The following TRPC3 variants were observed in gnomAD, a reference collection of about 807,000 sequenced individuals.
TRPC3 encodes the protein short transient receptor potential channel 3.
A neutral mutation model predicts 90.9 loss-of-function variants in TRPC3; 54 were observed. The ratio of observed to expected loss-of-function variants is 0.59; its 90% confidence interval spans 0.48 to 0.75. TRPC3 has a LOEUF of 0.75. Ranked by LOEUF, TRPC3 falls within the 30% of genes least tolerant of loss-of-function variation. The pLI is 0.00. For missense variants in TRPC3, 918 were observed against 1,194.5 expected (o/e 0.77, Z 3.41); for synonymous variants, 424 against 450.9 (o/e 0.94, Z 0.75).
At chr4:121,902,762 A>G (rs1338707806) in intron 9 of TRPC3, 90 bp downstream of exon 9, 2 of 972,302 alleles carry the variant, frequency 2.1e-6, no homozygotes, top group Non-Finnish European at 3.1e-6. Flanking sequence ...TTCTAAGTTC[A>G]CACATAAAAA....
chr4:121,893,824 G>A (rs1385570890), intron 10 of TRPC3, among the ~76,000 whole-genome samples: 4 of 151,996 alleles, frequency 2.6e-5, no homozygotes, highest in Admixed American at 6.6e-5. Context: ...AATATATATG[G>A]AGACATAAGG....
intron 3 of TRPC3, among the ~76,000 whole-genome samples, chr4:121,921,487 A>C (rs978741492): frequency 3.0e-5 from 4 of 132,500 alleles, no homozygotes; most frequent in South Asian, 2.5e-4. Flanking sequence ...GCGCCACTGC[A>C]CTCCAGCCTG....
At chr4:121,940,235 C>A (rs1232697472) in intron 1 of TRPC3, among the ~76,000 whole-genome samples, 1 of 152,212 alleles carries the variant, frequency 6.6e-6, no homozygotes. Flanking sequence ...CTTGTCAATT[C>A]ACGTAACTGC....
At chr4:121,911,174 C>A (rs965756988) in intron 5 of TRPC3, among the ~76,000 whole-genome samples, 1 of 152,130 alleles carries the variant, frequency 6.6e-6, no homozygotes, top group Non-Finnish European at 1.5e-5. Context: ...GGAGGAAGAA[C>A]TAACCTACTA....
intron 1 of TRPC3, among the ~76,000 whole-genome samples, chr4:121,938,394 G>A (rs1578654960): frequency 6.6e-6 from 1 of 152,174 alleles, no homozygotes; most frequent in African/African-American, 2.4e-5. Context: ...CAGTCACAAA[G>A]TTCTAAAGCT....
At chr4:121,930,262 G>A (rs1325893495) in intron 2 of TRPC3, among the ~76,000 whole-genome samples, 1 of 152,128 alleles carries the variant, frequency 6.6e-6, no homozygotes, top group Non-Finnish European at 1.5e-5. Flanking sequence ...TGCTACACAA[G>A]CACTTTCCAT....
chr4:121,943,192 C>CT (rs974589633), intron 1 of TRPC3, among the ~76,000 whole-genome samples: 13 of 151,834 alleles, frequency 8.6e-5, no homozygotes, highest in Non-Finnish European at 1.6e-4. Context: ...ATTTTCCCCC[C>CT]CTAGATTACA....
At chr4:121,940,387 C>G (rs1269920853) in intron 1 of TRPC3, among the ~76,000 whole-genome samples, 1 of 152,214 alleles carries the variant, frequency 6.6e-6, no homozygotes, top group Non-Finnish European at 1.5e-5. Flanking sequence ...TTCTCTCCTA[C>G]TCAGTAAGTG....
At chr4:121,910,811 A>G (rs2149125078) in intron 5 of TRPC3, among the ~76,000 whole-genome samples, 1 of 152,336 alleles carries the variant, frequency 6.6e-6, no homozygotes, top group Middle Eastern at 3.4e-3. Flanking sequence ...TGGAGAAATA[A>G]GTCCACAAGA....
intron 9 of TRPC3, among the ~76,000 whole-genome samples, chr4:121,900,366 G>A (rs1007729226): frequency 1.2e-4 from 18 of 152,280 alleles, no homozygotes; most frequent in African/African-American, 3.1e-4. Flanking sequence ...GCCAAGCTCT[G>A]CCACTGTAAG....
Position 121,898,928 on chromosome 4 carries a change from TA to T in TRPC3, c.2547+683del, listed in dbSNP as rs34963832. ...GAGCCATTTTGTGGTTTCCTGCTTC[TA>T]AAAAAATTGGATAAAAAATAGAACA... On this transcript the variant is annotated intron_variant, in intron 10 of 11. Coordinates refer to ENST00000379645, the MANE Select transcript of TRPC3 (RefSeq NM_001130698.2). Among the ~76,000 whole-genome samples the T allele has an allele frequency of 2.9e-4, 44 of 152,136 alleles. 1 individual carries two copies. Among genetic ancestry groups the T allele is most frequent in the Non-Finnish European group, 5.9e-5 (4 of 68,022 alleles).
Position 121,876,975 on chromosome 4 carries a change from T to G in TRPC3, c.*2761A>C, listed in dbSNP as rs115756990. On this transcript the variant is annotated 3_prime_UTR_variant, in exon 12 of 12. Coordinates refer to ENST00000379645, the MANE Select transcript of TRPC3 (RefSeq NM_001130698.2). ...GGCTTTGACAATCCTTTAATTAATG[T>G]TTTTTTCTATAAAGTTGTTTTTGGT... 6.6e-6 allele frequency among the ~76,000 whole-genome samples: 1 copy of G among 152,196 alleles called. No individual in the cohort carries two copies. The highest frequency in any genetic ancestry group is 2.4e-5 in the African/African-American group (1 of 41,442).
intron 3 of TRPC3, among the ~76,000 whole-genome samples, chr4:121,924,652 T>C (rs982088284): frequency 4.6e-5 from 7 of 152,232 alleles, no homozygotes; most frequent in Admixed American, 2.0e-4. Context: ...GTGATCTTCC[T>C]GCCTCAGCCT....
chr4:121,936,640 C>G (rs1730138162), intron 1 of TRPC3, among the ~76,000 whole-genome samples: 1 of 152,146 alleles, frequency 6.6e-6, no homozygotes, highest in Admixed American at 6.5e-5. Flanking sequence ...ATTTTGAAAT[C>G]ATAGGATCAT....
chr4:121,938,355 T>A (rs1730199616), intron 1 of TRPC3, among the ~76,000 whole-genome samples: 1 of 152,204 alleles, frequency 6.6e-6, no homozygotes. Context: ...AATTTCAAGG[T>A]CATCTATGAC....
At chr4:121,947,413 T>C (rs1730529759) in intron 1 of TRPC3, among the ~76,000 whole-genome samples, 1 of 152,110 alleles carries the variant, frequency 6.6e-6, no homozygotes, top group Admixed American at 6.6e-5. Context: ...TCCAGTCTAA[T>C]GCCTGAGCCA....
chr4:121,930,344 G>C (rs1250039057), intron 2 of TRPC3, among the ~76,000 whole-genome samples: 1 of 152,082 alleles, frequency 6.6e-6, no homozygotes, highest in East Asian at 1.9e-4. Context: ...GCAGCTTTAT[G>C]GATGTTCTCT....
chr4:121,911,735 T>C (rs1729104905), intron 5 of TRPC3, 142 bp downstream of exon 5: 2 of 878,182 alleles, frequency 2.3e-6, no homozygotes, highest in African/African-American at 1.7e-5. Context: ...AATTATTTGG[T>C]TATTTTGCTA....
intron 1 of TRPC3, among the ~76,000 whole-genome samples, chr4:121,942,549 A>T (rs1730355945): frequency 6.6e-6 from 1 of 152,244 alleles, no homozygotes; most frequent in Non-Finnish European, 1.5e-5. Context: ...AGCCTGGGTG[A>T]CAGAACGAGA....
Sources: allele counts gnomAD v4.1 joint callset (sites outside exome capture counted in the v4.1 genomes callset), GRCh38; gene constraint gnomAD v4.1.1; transcripts MANE v1.5; gene names NCBI Gene and HGNC (gene_info 2026-07-23, HGNC 2026-07-21).